FAM81A: variants seen among roughly 807,000 people sequenced by gnomAD.
FAM81A encodes the protein protein FAM81A.
FAM81A carries 19 observed loss-of-function variants against 46.7 expected under a neutral mutation model. That is an observed-to-expected ratio of 0.41 (90% CI 0.28 to 0.60). The LOEUF (loss-of-function observed/expected upper bound fraction) is 0.60, where lower values mean the gene tolerates loss of function less well. Ranked by LOEUF, FAM81A falls within the 20% of genes least tolerant of loss-of-function variation. The pLI, the probability that FAM81A is intolerant of heterozygous loss-of-function variation, is 0.34. For missense variants in FAM81A, 377 were observed against 453.5 expected (o/e 0.83, Z 1.53); for synonymous variants, 183 against 152.9 (o/e 1.20, Z -1.45).
At chr15:59,511,278 TGAG>T (rs1252772282) in intron 6 of FAM81A, among the ~76,000 whole-genome samples, 1 of 152,144 alleles carries the variant, frequency 6.6e-6, no homozygotes, top group Non-Finnish European at 1.5e-5. Context: ...AACATCTAAA[TGAG>T]GAGGAAGATT....
chr15:59,430,742 A>G (rs1408150280), intron 2 of FAM81A, among the ~76,000 whole-genome samples: 2 of 152,204 alleles, frequency 1.3e-5, no homozygotes, highest in African/African-American at 4.8e-5. Context: ...TAGGAGCTGC[A>G]TGTACATTTG....
chr15:59,520,578 T>G (rs1376450806), intron 8 of FAM81A, among the ~76,000 whole-genome samples: 1 of 151,216 alleles, frequency 6.6e-6, no homozygotes, highest in Non-Finnish European at 1.5e-5. Flanking sequence ...TTTTTTTTTT[T>G]TTTTGAGACG....
chr15:59,441,108 C>G (rs1299017249), intron 1 of FAM81A, among the ~76,000 whole-genome samples: 6 of 152,228 alleles, frequency 3.9e-5, no homozygotes, highest in Non-Finnish European at 8.8e-5. Context: ...GTCCCTTCCC[C>G]AAGGTTAATC....
chr15:59,422,999 T>C (rs549480662), intron 2 of FAM81A, among the ~76,000 whole-genome samples: 1 of 152,328 alleles, frequency 6.6e-6, no homozygotes, highest in Admixed American at 6.5e-5. Flanking sequence ...ACAGCTGTTA[T>C]TTATGGAATG....
chr15:59,479,645 T>A (rs1443095702), intron 3 of FAM81A, among the ~76,000 whole-genome samples: 1 of 150,108 alleles, frequency 6.7e-6, no homozygotes, highest in African/African-American at 2.5e-5. Flanking sequence ...CCCAGGGGGA[T>A]CACTCCAGAG....
rs956197892 is a variant in FAM81A, at chr15:59,521,830, C to G, written c.*452C>G. ...AATGTCCCAGTAGATTAGACTTCAA[C>G]CTTTGAGTCCAATTTGGATTTTATT... On this transcript the variant is annotated 3_prime_UTR_variant, in exon 9 of 9. Coordinates refer to ENST00000288228, the MANE Select transcript of FAM81A (RefSeq NM_152450.3). 1.0e-4 allele frequency: 16 copies of G among 152,436 alleles called. No individual in the cohort carries two copies. Among genetic ancestry groups the G allele is most frequent in the African/African-American group, 3.9e-4 (16 of 41,420 alleles). 9.4% of individuals were successfully genotyped at this position (152,436 alleles called of 1,614,324 possible).
intron 3 of FAM81A, among the ~76,000 whole-genome samples, chr15:59,484,050 A>T (rs2081888076): frequency 1.3e-5 from 2 of 152,164 alleles, no homozygotes; most frequent in Non-Finnish European, 2.9e-5. Context: ...AGCCCCTTCC[A>T]CTACTCTCAA....
intron 1 of FAM81A, among the ~76,000 whole-genome samples, chr15:59,447,749 C>A (rs1310654701): frequency 6.6e-6 from 1 of 152,054 alleles, no homozygotes; most frequent in Admixed American, 6.6e-5. Flanking sequence ...AGAGATAATT[C>A]CAGCAATTTG....
At chr15:59,430,303 C>T (rs892377905) in intron 2 of FAM81A, among the ~76,000 whole-genome samples, 3 of 122,724 alleles carry the variant, frequency 2.4e-5, no homozygotes, top group African/African-American at 3.2e-5. Context: ...CTTGCTCTGT[C>T]ACCCAAGCTG....
chr15:59,511,709 G>A (rs2082210404), intron 6 of FAM81A, among the ~76,000 whole-genome samples: 1 of 152,158 alleles, frequency 6.6e-6, no homozygotes, highest in Admixed American at 6.5e-5. Context: ...GGAGCGCAGT[G>A]TGCTTGATCT....
At chr15:59,426,473 C>T (rs554277220) in intron 2 of FAM81A, among the ~76,000 whole-genome samples, 3 of 152,118 alleles carry the variant, frequency 2.0e-5, no homozygotes, top group Non-Finnish European at 4.4e-5. Context: ...ATTAGCCAGG[C>T]GTGGTGGCGC....
intron 1 of FAM81A, among the ~76,000 whole-genome samples, chr15:59,455,310 A>G (rs2081470301): frequency 1.3e-5 from 2 of 151,942 alleles, no homozygotes; most frequent in South Asian, 2.1e-4. Flanking sequence ...TGTTTAATAT[A>G]TTGTTTAATA....
At position 59,460,381 on chromosome 15, in the gene FAM81A, T is replaced by A; in HGVS notation, c.294+175T>A. On this transcript the variant is annotated intron_variant, in intron 3 of 8. Coordinates refer to ENST00000288228, the MANE Select transcript of FAM81A (RefSeq NM_152450.3). The surrounding 1 kb of genome is among the most constrained non-coding windows in gnomAD (Gnocchi z 4.4). ...AGACAGCTTGCAGAAATATCCTAAT[T>A]AAATTTATTCCAGTGTTTGATAACA... 1.2e-6 allele frequency: 1 copy of A among 844,008 alleles called. No homozygotes were observed. The highest frequency in any genetic ancestry group is 2.0e-6 in the Non-Finnish European group (1 of 504,420). 52.3% of individuals were successfully genotyped at this position (844,008 alleles called of 1,614,324 possible).
intron 1 of FAM81A, among the ~76,000 whole-genome samples, chr15:59,450,882 A>G (rs919613762): frequency 2.6e-5 from 4 of 152,232 alleles, no homozygotes; most frequent in Non-Finnish European, 4.4e-5. Flanking sequence ...GCTGACTCCA[A>G]CTGCCCACTG....
Position 59,460,204 on chromosome 15 carries a change from G to T in FAM81A, c.292G>T (p.Glu98Ter). Residue 98 changes from glutamate to a stop codon, truncating the protein, a stop_gained and splice_region_variant, in exon 3 of 9, where the codon GAG (glutamate) becomes TAG (stop). Transcript: ENST00000288228. LOFTEE classifies it high-confidence loss of function. The surrounding 1 kb of genome is among the most constrained non-coding windows in gnomAD (Gnocchi z 4.4). ...AIVKQLNRDI[E>*]VLQEQIRARD... The stretch of plus-strand genomic sequence containing the variant: ...AGTGAAGCAACTTAATCGGGATATC[G>T]AGGTAAGGTTTGTGAAAGTCAGGTG... 1 of 1,613,938 alleles carries T rather than the reference G, an allele frequency of 6.2e-7. No homozygotes were observed. The highest frequency in any genetic ancestry group is 8.5e-7 in the Non-Finnish European group (1 of 1,179,896).
chr15:59,417,373 G>A (rs2081151003), intron 2 of FAM81A, among the ~76,000 whole-genome samples: 1 of 148,598 alleles, frequency 6.7e-6, no homozygotes, highest in South Asian at 2.2e-4. Context: ...GATCAAAGTA[G>A]CTATTTAAAA....
intron 1 of FAM81A, chr15:59,440,104 A>C (rs1245313734): frequency 6.6e-6 from 1 of 151,910 alleles, no homozygotes; most frequent in Non-Finnish European, 1.5e-5. Flanking sequence ...ACCATCACCA[A>C]CCAAGTCTCC....
intron 1 of FAM81A, among the ~76,000 whole-genome samples, chr15:59,441,080 G>A (rs200138755): frequency 8.5e-5 from 13 of 152,212 alleles, no homozygotes; most frequent in Non-Finnish European, 1.8e-4. Flanking sequence ...CTTTCTCAAA[G>A]GAAGAAAATG....
At chr15:59,458,469 C>A in intron 1 of FAM81A, 81 bp from the exon 2 acceptor site, 1 of 887,028 alleles carries the variant, frequency 1.1e-6, no homozygotes, top group Non-Finnish European at 1.7e-6. Context: ...TTATGATCCA[C>A]TTAGCAACTT....
Sources: gnomAD v4.1 joint callset for allele counts (sites outside exome capture counted in the v4.1 genomes callset) on GRCh38, gnomAD v4.1.1 for gene constraint, Gnocchi (gnomAD v3.1) non-coding constraint, MANE v1.5 for transcripts, NCBI Gene and HGNC (gene_info 2026-07-23, HGNC 2026-07-21) for gene names.